Variants in PDE1B observed in about 807,000 individuals in gnomAD.
The protein encoded by PDE1B is dual specificity calcium/calmodulin-dependent 3',5'-cyclic nucleotide phosphodiesterase 1B.
A neutral mutation model predicts 66.7 loss-of-function variants in PDE1B; 13 were observed. The observed-to-expected ratio is 0.19, with a 90% CI of 0.13 to 0.31. The LOEUF is 0.31. PDE1B is among the 10% of genes least tolerant of loss of function. The pLI, the probability that PDE1B is intolerant of heterozygous loss-of-function variation, is 1.00. For missense variants in PDE1B, 485 were observed against 682.3 expected (o/e 0.71, Z 3.22); for synonymous variants, 230 against 253.9 (o/e 0.91, Z 0.90).
chr12:54,555,441 C>T (rs1054494110), intron 2 of PDE1B, among the ~76,000 whole-genome samples: 1 of 152,080 alleles, frequency 6.6e-6, no homozygotes, highest in Admixed American at 6.6e-5. Context: ...GCATTTGCCA[C>T]CTTTGCCCAG....
Position 54,569,282 on chromosome 12 carries a change from C to T in PDE1B, c.326C>T (p.Ala109Val), listed in dbSNP as rs948593392. 8 of 1,613,926 alleles carry T rather than the reference C, an allele frequency of 5.0e-6. No homozygotes were observed. The highest frequency in any genetic ancestry group is 6.8e-6 in the Non-Finnish European group (8 of 1,179,980). ...DWLASTFTQQ[A>V]RAKGRRAEEK... ...CTGGCCTCCACCTTCACCCAGCAGGCCCGGGCCAAAGGCCGCCGAGCAGAG... is the reference window on the plus strand; with the variant it reads ...CTGGCCTCCACCTTCACCCAGCAGGTCCGGGCCAAAGGCCGCCGAGCAGAG... Residue 109 changes from alanine to valine, a missense_variant, in exon 4 of 16, where the codon GCC becomes GTC. Physicochemically the swap from Ala to Val is moderately conservative, Grantham distance 64. Transcript: ENST00000243052. This position sits in a 1 kb window ranked among gnomAD's most constrained non-coding sequence, Gnocchi z 4.4.
intron 15 of PDE1B, 36 bp downstream of exon 15, chr12:54,577,381 G>C (rs1226041310): frequency 6.2e-7 from 1 of 1,610,602 alleles, no homozygotes; most frequent in Admixed American, 1.7e-5. Flanking sequence ...AGGAGAGCTG[G>C]TGTCTATCAT....
chr12:54,554,941 G>A lies in PDE1B; in HGVS notation c.113+4956G>A, dbSNP rs71455283. 7.2e-3 allele frequency among the ~76,000 whole-genome samples: 1,090 copies of A among 152,254 alleles called. 5 individuals carry two copies. The highest frequency in any genetic ancestry group is 0.012 in the Non-Finnish European group (810 of 68,004). On this transcript the variant is annotated intron_variant, in intron 2 of 15. Coordinates refer to ENST00000243052, the MANE Select transcript of PDE1B (RefSeq NM_000924.4). ...GATGGGCAACTATTGGCTGGGATGA[G>A]GGAGACAAAGATTCAAGAGGTAGGA...
chr12:54,579,180 C>T lies in PDE1B; in HGVS notation c.*1338C>T. On this transcript the variant is annotated 3_prime_UTR_variant, in exon 16 of 16. Transcript: ENST00000243052. ...GGGCAGAGACGCATGTGACTCACCC[C>T]TGCCCTTGGTTTCCCAGACCCCTGC... is the stretch of plus-strand genomic sequence containing the variant. 1 of 915,154 alleles carries T rather than the reference C, an allele frequency of 1.1e-6. No individual in the cohort carries two copies. Among genetic ancestry groups the T allele is most frequent in the South Asian group, 5.0e-5 (1 of 19,814 alleles). The allele number at this position is 915,154 out of a possible 1,614,324, so 56.7% of individuals were successfully genotyped here.
At position 54,569,658 on chromosome 12, in the gene PDE1B, A is replaced by G. The variant is rs369633495; in HGVS notation, c.477+46A>G. On this transcript the variant is annotated intron_variant, in intron 5 of 15. Transcript: ENST00000243052. This position sits in a 1 kb window ranked among gnomAD's most constrained non-coding sequence, Gnocchi z 4.4. Reference sequence around the variant, plus strand: ...AAAGAGGAGAAAGTTAGGGGATGGAATAGCCACTGGGACTTCTAGACCCTG... The same window carrying G: ...AAAGAGGAGAAAGTTAGGGGATGGAGTAGCCACTGGGACTTCTAGACCCTG... 17 of 1,321,854 alleles carry G rather than the reference A, an allele frequency of 1.3e-5. No homozygotes were observed. The African/African-American group carries it at 2.5e-4, about 19-fold the overall frequency. The allele number at this position is 1,321,854 out of a possible 1,614,324, so 81.9% of individuals were successfully genotyped here.
At chr12:54,562,113 T>G (rs1247172162) in intron 2 of PDE1B, among the ~76,000 whole-genome samples, 2 of 152,304 alleles carry the variant, frequency 1.3e-5, no homozygotes, top group African/African-American at 4.8e-5. Flanking sequence ...AGGAAGTCCT[T>G]CTCTGGCTTC....
chr12:54,557,408 G>T (rs887745987), intron 2 of PDE1B, among the ~76,000 whole-genome samples: 3 of 152,156 alleles, frequency 2.0e-5, no homozygotes, highest in Non-Finnish European at 4.4e-5. Context: ...TAAGCACTGG[G>T]TTAGAGCTGA....
intron 2 of PDE1B, among the ~76,000 whole-genome samples, chr12:54,556,555 T>A (rs948894467): frequency 2.0e-5 from 3 of 152,118 alleles, no homozygotes; most frequent in Non-Finnish European, 4.4e-5. Flanking sequence ...AGGTCCAGAT[T>A]CCACTTCAGC....
Position 54,549,980 on chromosome 12 carries a change from G to A in PDE1B, c.108G>A (p.Arg36=), listed in dbSNP as rs1957251981. The A allele has an allele frequency of 6.2e-7, 1 of 1,613,828 alleles. No homozygotes were observed. The change falls in exon 2 of 16, where the codon CGG becomes CGA. Residue 36 remains arginine (R), a synonymous_variant. Coordinates refer to ENST00000243052, the MANE Select transcript of PDE1B (RefSeq NM_000924.4). The part of the protein sequence containing the change: ...APSKKMWIKL[R]SLLRYMVKQL... The stretch of plus-strand genomic sequence containing the variant: ...GCAAGAAGATGTGGATTAAGCTTCG[G>A]TCTCTGTAAGTCCCCGGCCCGGGAA...
rs1957581500 is a variant in PDE1B, at chr12:54,569,639, G to A, written c.477+27G>A. ...TAATCTCTGGGTTTTTGGGAAAGAG[G>A]AGAAAGTTAGGGGATGGAATAGCCA... On this transcript the variant is annotated intron_variant, in intron 5 of 15. Coordinates refer to ENST00000243052, the MANE Select transcript of PDE1B (RefSeq NM_000924.4). This position sits in a 1 kb window ranked among gnomAD's most constrained non-coding sequence, Gnocchi z 4.4. 1 of 1,539,614 alleles carries A rather than the reference G, an allele frequency of 6.5e-7. No homozygotes were observed. Among genetic ancestry groups the A allele is most frequent in the African/African-American group, 1.4e-5 (1 of 73,286 alleles).
chr12:54,551,659 A>C (rs71455282), intron 2 of PDE1B, among the ~76,000 whole-genome samples: 6,815 of 152,238 alleles, frequency 0.045, 178 homozygotes, highest in Non-Finnish European at 0.063. Context: ...CCTGCGAAAG[A>C]GTGGGTATTA....
Position 54,569,764 on chromosome 12 carries a change from G to A in PDE1B, c.477+152G>A, listed in dbSNP as rs1957584419. 4 of 610,844 alleles carry A rather than the reference G, an allele frequency of 6.5e-6. No homozygotes were observed. Among genetic ancestry groups the A allele is most frequent in the South Asian group, 3.8e-5 (2 of 52,834 alleles). 37.8% of individuals were successfully genotyped at this position (610,844 alleles called of 1,614,324 possible). A position where few individuals can be genotyped will look rare whatever the true frequency, so the allele number is the denominator to read the frequency against. On this transcript the variant is annotated intron_variant, in intron 5 of 15. Coordinates refer to ENST00000243052, the MANE Select transcript of PDE1B (RefSeq NM_000924.4). This position sits in a 1 kb window ranked among gnomAD's most constrained non-coding sequence, Gnocchi z 4.4. ...GTCACTCAGGCTGGAGTGCAGTGGC[G>A]TGATCTCGTCTCACTGCAACCTCTG...
rs780756812 is a variant in PDE1B, at chr12:54,576,068, G to A, written c.1344G>A (p.Ala448=). 4.3e-6 allele frequency: 7 copies of A among 1,613,110 alleles called. No individual in the cohort carries two copies. The highest frequency in any genetic ancestry group is 1.6e-4 in the Middle Eastern group (1 of 6,084). The stretch of plus-strand genomic sequence containing the variant: ...CAGAGAAGAGTGTTCAGCCCCTGGC[G>A]GATGAGGACTCCAAGTCTAAAAACC... ...DVAEKSVQPL[A]DEDSKSKNQP... The change falls in exon 13 of 16, where the codon GCG becomes GCA. Residue 448 remains alanine (A), a synonymous_variant. Coordinates refer to ENST00000243052, the MANE Select transcript of PDE1B (RefSeq NM_000924.4).
In PDE1B at chr12:54,558,931, T is replaced by C. The variant is rs144177176; in HGVS notation, c.114-8043T>C. Among the ~76,000 whole-genome samples the C allele has an allele frequency of 2.8e-4, 43 of 152,356 alleles. No homozygotes were observed. In the East Asian group the frequency reaches 6.7e-3, roughly 24 times the overall value. On this transcript the variant is annotated intron_variant, in intron 2 of 15. Coordinates refer to ENST00000243052, the MANE Select transcript of PDE1B (RefSeq NM_000924.4). ...CTCATACCATATCTCATTAGGTCCT[T>C]GTGAAAATTCTGTGAAGCATGTATT...
intron 14 of PDE1B, chr12:54,576,964 T>G: frequency 1.7e-6 from 1 of 604,478 alleles, no homozygotes; most frequent in Non-Finnish European, 2.9e-6. Context: ...TCCCTGTAAA[T>G]GGTGCCCCTG....
chr12:54,576,513 G>C (rs928246068), intron 13 of PDE1B, 58 bp from the exon 14 acceptor site: 1 of 1,608,128 alleles, frequency 6.2e-7, no homozygotes, highest in Non-Finnish European at 8.5e-7. Context: ...CAGGGCTAAG[G>C]TGGTTCTGGA....
rs1222821887 is a variant in PDE1B, at chr12:54,572,393, T to C, written c.595-208T>C. On this transcript the variant is annotated intron_variant, in intron 6 of 15. Transcript: ENST00000243052. The stretch of plus-strand genomic sequence containing the variant: ...TTATCTTTCATTCTGCAATTAAGTA[T>C]CTGAGGCACAGAGAGGCATGTGACT... 9.7e-6 allele frequency: 6 copies of C among 616,076 alleles called. No individual in the cohort carries two copies. The East Asian group carries it at 1.3e-4, about 13-fold the overall frequency. The allele number at this position is 616,076 out of a possible 1,614,324, so 38.2% of individuals were successfully genotyped here. A position where few individuals can be genotyped will look rare whatever the true frequency, so the allele number is the denominator to read the frequency against.
chr12:54,566,641 C>T (rs1957520993), intron 2 of PDE1B, among the ~76,000 whole-genome samples: 1 of 152,210 alleles, frequency 6.6e-6, no homozygotes. Flanking sequence ...ACTCCAGGGG[C>T]TTGTACCTGC....
intron 6 of PDE1B, chr12:54,570,664 T>C (rs928138842): frequency 3.4e-6 from 1 of 295,182 alleles, no homozygotes; most frequent in Admixed American, 4.4e-5. Context: ...GTGTGGACAC[T>C]GGAGGCCTGG....
Sources: allele counts gnomAD v4.1 joint callset (sites outside exome capture counted in the v4.1 genomes callset), GRCh38; gene constraint gnomAD v4.1.1; non-coding constraint Gnocchi (gnomAD v3.1); transcripts MANE v1.5; gene names NCBI Gene and HGNC (gene_info 2026-07-23, HGNC 2026-07-21).